ATRX: variants seen among roughly 807,000 people sequenced by gnomAD.
ATRX encodes the protein chromatin remodeler ATRX.
In ATRX, 12 loss-of-function variants were observed where a neutral mutation model predicts 172.6. The observed-to-expected ratio is 0.07, with a 90% CI of 0.04 to 0.11. The LOEUF (loss-of-function observed/expected upper bound fraction) is 0.11. ATRX is among the 10% of genes least tolerant of loss of function. The probability of loss-of-function intolerance (pLI) is 1.00; values close to 1 mark genes in which losing one functional copy is unlikely to be tolerated. For missense variants in ATRX, 1,368 were observed against 1,767.4 expected, an observed-to-expected ratio of 0.77 and a Z score of 4.05; for synonymous variants, 674 against 594.7, an observed-to-expected ratio of 1.13 and a Z score of -1.94.
intron 21 of ATRX, 45 bp downstream of exon 21, chrX:77,618,761 T>C (rs2067463902): frequency 3.6e-6 from 4 of 1,100,873 alleles, no homozygotes; most frequent in African/African-American, 3.6e-5. Context: ...GGGATTGTTA[T>C]ATAAAAAAGT....
intron 34 of ATRX, among the ~76,000 whole-genome samples, chrX:77,509,012 G>A (rs1181258717): frequency 8.9e-6 from 1 of 111,947 alleles, no homozygotes; most frequent in Non-Finnish European, 1.9e-5. Flanking sequence ...AACACCAAAG[G>A]GAAAGGCACT....
chrX:77,663,048 T>G (rs782504957), intron 12 of ATRX, among the ~76,000 whole-genome samples: 1 of 111,140 alleles, frequency 9.0e-6, no homozygotes, highest in Non-Finnish European at 1.9e-5. Context: ...ATTTTTTTTG[T>G]TTTTGCTTTT....
chrX:77,743,702 C>T (rs2074964669), intron 1 of ATRX, among the ~76,000 whole-genome samples: 1 of 111,537 alleles, frequency 9.0e-6, no homozygotes, highest in Admixed American at 9.6e-5. Context: ...AAAACTACTA[C>T]CACCATAAAC....
At chrX:77,521,568 T>A in intron 32 of ATRX, 70 bp from the exon 33 acceptor site, 1 of 849,518 alleles carries the variant, frequency 1.2e-6, no homozygotes, top group African/African-American at 2.0e-5. Flanking sequence ...AGGGAATCCT[T>A]CCATTTGCCA....
intron 22 of ATRX, among the ~76,000 whole-genome samples, chrX:77,604,633 C>T (rs781854037): frequency 4.1e-4 from 46 of 111,897 alleles, no homozygotes; most frequent in Middle Eastern, 4.7e-3. Context: ...AGCAATCCCA[C>T]TACTAGGTAT....
chrX:77,608,162 ATGAGGTCAGGAGATCG>A (rs1343853819), intron 22 of ATRX, among the ~76,000 whole-genome samples: 1 of 109,657 alleles, frequency 9.1e-6, no homozygotes, highest in Non-Finnish European at 1.9e-5. Context: ...CAGGCGGATC[ATGAGGTCAGGAGATCG>A]AGACCACAGT....
chrX:77,647,283 T>C (rs782493259), intron 15 of ATRX, among the ~76,000 whole-genome samples: 2 of 111,477 alleles, frequency 1.8e-5, no homozygotes, highest in South Asian at 7.4e-4. Context: ...AAGAAGAGGA[T>C]TTACAGCGAT....
At chrX:77,775,889 G>A (rs1302711488) in intron 1 of ATRX, among the ~76,000 whole-genome samples, 1 of 110,064 alleles carries the variant, frequency 9.1e-6, no homozygotes, top group Non-Finnish European at 1.9e-5. Flanking sequence ...GCGCCACCAC[G>A]CCCGGCTAAT....
intron 1 of ATRX, among the ~76,000 whole-genome samples, chrX:77,762,709 G>C (rs1336546187): frequency 3.6e-5 from 4 of 110,553 alleles, no homozygotes; most frequent in Non-Finnish European, 7.6e-5. Context: ...ATCAATATGT[G>C]ATAAAACAAG....
At chrX:77,636,175 T>C (rs2068339038) in intron 15 of ATRX, 119 bp from the exon 16 acceptor site, 3 of 679,775 alleles carry the variant, frequency 4.4e-6, no homozygotes, top group South Asian at 2.4e-5. Context: ...ACAAATCCAA[T>C]TGGTATGATT....
rs782436664 is a variant in ATRX, at chrX:77,781,367, G to A, written c.20+4615C>T. On this transcript the variant is annotated intron_variant, in intron 1 of 34. Coordinates refer to ENST00000373344, the MANE Select transcript of ATRX (RefSeq NM_000489.6). ...TGAGGCAGGAGAATGGCGTGAACCC[G>A]GAGGGCGGAGTTTGCAGTGACCTGA... Among the ~76,000 whole-genome samples, 5 of 105,341 alleles carry A rather than the reference G, an allele frequency of 4.7e-5. No individual in the cohort carries two copies. The South Asian group carries it at 1.8e-3, about 37-fold the overall frequency. 91.5% of individuals were successfully genotyped at this position (105,341 alleles called of 115,157 possible). A position where few individuals can be genotyped will look rare whatever the true frequency, so the allele number is the denominator to read the frequency against.
rs976391990 is a variant in ATRX at position 77,594,009 on chromosome X, A to G, written c.5957-160T>C. 7 of 462,692 alleles carry G rather than the reference A, an allele frequency of 1.5e-5. No individual in the cohort carries two copies. The Admixed American group carries it at 2.0e-4, about 13-fold the overall frequency. The allele number at this position is 462,692 out of a possible 1,213,427, so 38.1% of individuals were successfully genotyped here. On this transcript the variant is annotated intron_variant, in intron 25 of 34. Transcript: ENST00000373344. ...AAGAGAAAGGCAGGCACACGCACAT[A>G]CAGCACAGAAGGACAGAGACTATCC...
At chrX:77,607,326 T>C (rs782679921) in intron 22 of ATRX, among the ~76,000 whole-genome samples, 14 of 112,401 alleles carry the variant, frequency 1.2e-4, no homozygotes, top group South Asian at 3.6e-4. Context: ...ACAAAAATCA[T>C]TGGCATTTCT....
intron 15 of ATRX, among the ~76,000 whole-genome samples, chrX:77,649,619 T>C (rs2069107705): frequency 9.0e-6 from 1 of 111,615 alleles, no homozygotes; most frequent in Non-Finnish European, 1.9e-5. Flanking sequence ...ACGGACCCAG[T>C]GGGAGGTAAT....
At chrX:77,745,732 T>C (rs910994925) in intron 1 of ATRX, among the ~76,000 whole-genome samples, 44 of 111,095 alleles carry the variant, frequency 4.0e-4, no homozygotes, top group African/African-American at 1.4e-3. Context: ...TAATAATTCA[T>C]TATGCATTTT....
chrX:77,684,258 T>C lies in ATRX; in HGVS notation c.998A>G (p.Asp333Gly), dbSNP rs781986750. 3 of 1,207,812 alleles carry C rather than the reference T, an allele frequency of 2.5e-6. No individual in the cohort carries two copies. The highest frequency in any genetic ancestry group is 5.9e-5 in the East Asian group (2 of 33,800). Residue 333 changes from aspartate to glycine, a missense_variant, in exon 9 of 35, where the codon GAT becomes GGT. Asp to Gly is a moderately conservative substitution (Grantham distance 94). Transcript: ENST00000373344. The part of the protein sequence containing the change: ...NCNGEEKKLD[D>G]SCSGSVTYSY... ...GTAGGTTACAGAGCCAGAACAGGAA[T>C]CATCTAATTTCTTTTCTTCTCCATT...
intron 1 of ATRX, among the ~76,000 whole-genome samples, chrX:77,757,673 CT>C (rs782109182): frequency 2.2e-3 from 222 of 100,334 alleles, no homozygotes; most frequent in Admixed American, 1.9e-3. Context: ...AAAGTATTAT[CT>C]TTTTTTTTTT....
chrX:77,785,817 T>C (rs1473487338), intron 1 of ATRX, 165 bp downstream of exon 1: 46 of 657,422 alleles, frequency 7.0e-5, no homozygotes, highest in Admixed American at 4.5e-4. Flanking sequence ...GTCGGAGCCT[T>C]GCGCCGATAC....
chrX:77,698,999 A>G, intron 2 of ATRX: 1 of 187,727 alleles, frequency 5.3e-6, no homozygotes. Context: ...CTGGGAAAAT[A>G]AGAGCAAACT....
Sources: gnomAD v4.1 joint callset for allele counts (sites outside exome capture counted in the v4.1 genomes callset) on GRCh38, gnomAD v4.1.1 for gene constraint, MANE v1.5 for transcripts, NCBI Gene and HGNC (gene_info 2026-07-23, HGNC 2026-07-21) for gene names.